The following ABLIM2 variants were observed in gnomAD, a reference collection of about 807,000 sequenced individuals.
ABLIM2 encodes actin binding LIM protein family member 2.
Under a neutral mutation model 97.7 loss-of-function variants are expected in ABLIM2, and 53 were observed. The ratio of observed to expected loss-of-function variants is 0.54; its 90% CI spans 0.44 to 0.68. The LOEUF is 0.68. Among genes scored for constraint, ABLIM2 ranks in the 30% least tolerant of loss-of-function variants. The pLI, the probability that ABLIM2 is intolerant of heterozygous loss-of-function variation, is 0.00. For missense variants in ABLIM2, 835 were observed against 867.2 expected (o/e 0.96, Z 0.47); for synonymous variants, 361 against 345.8 (o/e 1.04, Z -0.49).
chr4:8,076,723 G>A (rs1268242388), intron 6 of ABLIM2, among the ~76,000 whole-genome samples: 4 of 150,512 alleles, frequency 2.7e-5, no homozygotes, highest in African/African-American at 4.9e-5. Context: ...GAGGCAAGGA[G>A]GGGCTGCAGG....
At chr4:8,118,130 T>A (rs1249638944) in intron 1 of ABLIM2, among the ~76,000 whole-genome samples, 1 of 152,208 alleles carries the variant, frequency 6.6e-6, no homozygotes, top group Non-Finnish European at 1.5e-5. Context: ...GCTGCGGCTG[T>A]ACTGAGCTTT....
At position 7,966,879 on chromosome 4, in the gene ABLIM2, C is replaced by CCCGGGG; in HGVS notation, c.*110_*111insCCCCGG. 5.5e-6 allele frequency: 2 copies of CCCGGGG among 361,394 alleles called. No homozygotes were observed. The highest frequency in any genetic ancestry group is 1.1e-5 in the Non-Finnish European group (2 of 187,626). 22.4% of individuals were successfully genotyped at this position (361,394 alleles called of 1,614,324 possible). On this transcript the variant is annotated 3_prime_UTR_variant, in exon 21 of 21. Coordinates refer to ENST00000447017, the MANE Select transcript of ABLIM2 (RefSeq NM_001130083.2). ...CTGGGGGACCCCCTCCCGCCCACCC[C>CCCGGGG]ATGGACACAGAGAAGCCAGAGCAAG... is the stretch of plus-strand genomic sequence containing the variant.
chr4:8,152,087 C>T (rs891791600), intron 1 of ABLIM2, among the ~76,000 whole-genome samples: 14 of 152,044 alleles, frequency 9.2e-5, no homozygotes, highest in South Asian at 2.1e-4. Context: ...ACGGCCCAGG[C>T]GAGAAGATGG....
At chr4:7,981,006 C>G (rs184934859) in intron 20 of ABLIM2, among the ~76,000 whole-genome samples, 4,019 of 135,470 alleles carry the variant, frequency 0.03, 187 homozygotes, top group African/African-American at 0.1. Context: ...TGCTGTGGCA[C>G]GATCTCGGCT....
In ABLIM2 at chr4:8,075,082, C is replaced by T. The variant is rs1444396805; in HGVS notation, c.675+2546G>A. 6.6e-6 allele frequency among the ~76,000 whole-genome samples: 1 copy of T among 152,198 alleles called. No individual in the cohort carries two copies. The highest frequency in any genetic ancestry group is 1.5e-5 in the Non-Finnish European group (1 of 68,034). On this transcript the variant is annotated intron_variant, in intron 6 of 20. Transcript: ENST00000447017. This position sits in a 1 kb window ranked among gnomAD's most constrained non-coding sequence, Gnocchi z 4.4. ...TACAGGCATGAGCCACCGCTCCCGG[C>T]CCAGCCTGACAATTCTGAGAGTCAT...
At chr4:7,971,992 C>T (rs909678929) in intron 20 of ABLIM2, among the ~76,000 whole-genome samples, 1 of 152,180 alleles carries the variant, frequency 6.6e-6, no homozygotes, top group Non-Finnish European at 1.5e-5. Context: ...ACTGCCTTGG[C>T]CTGCACAAGG....
intron 2 of ABLIM2, among the ~76,000 whole-genome samples, chr4:8,102,593 A>T (rs1561425531): frequency 6.6e-6 from 1 of 152,202 alleles, no homozygotes; most frequent in Non-Finnish European, 1.5e-5. Flanking sequence ...CACCTGCCTA[A>T]GATCCACATG....
intron 1 of ABLIM2, among the ~76,000 whole-genome samples, chr4:8,115,743 G>C (rs757723261): frequency 6.6e-6 from 1 of 152,100 alleles, no homozygotes; most frequent in Non-Finnish European, 1.5e-5. Flanking sequence ...TACCTGATGG[G>C]GTCTAAAGCC....
intron 1 of ABLIM2, among the ~76,000 whole-genome samples, chr4:8,135,660 T>C (rs1436386130): frequency 1.3e-5 from 2 of 152,212 alleles, no homozygotes; most frequent in Non-Finnish European, 2.9e-5. Flanking sequence ...GTCTGCTGTT[T>C]ATAAGCCGCC....
chr4:7,974,370 TCCATCCATCCACCCATCCAC>T (rs1258501856), intron 20 of ABLIM2, among the ~76,000 whole-genome samples: 14 of 131,804 alleles, frequency 1.1e-4, no homozygotes, highest in Admixed American at 2.2e-4. Flanking sequence ...CCTCCATTCA[TCCATCCATCCACCCATCCAC>T]CCATCCATCC....
chr4:8,037,468 T>G (rs952612626), intron 9 of ABLIM2, among the ~76,000 whole-genome samples: 6 of 151,480 alleles, frequency 4.0e-5, no homozygotes, highest in Non-Finnish European at 5.9e-5. Flanking sequence ...TCCCACATAC[T>G]AGCACACACA....
intron 6 of ABLIM2, chr4:8,066,548 AT>A (rs1807895392): frequency 6.6e-6 from 1 of 152,210 alleles, no homozygotes; most frequent in African/African-American, 2.4e-5. Context: ...TGGCGTATCT[AT>A]GCCAGGGAGT....
At chr4:7,968,553 C>G (rs62290613) in intron 20 of ABLIM2, among the ~76,000 whole-genome samples, 39,440 of 152,160 alleles carry the variant, frequency 0.26, 5,945 homozygotes, top group East Asian at 0.65. Context: ...CCCAAACACA[C>G]TGGCTCCATG....
chr4:8,061,145 G>T lies in ABLIM2; in HGVS notation c.676-91C>A. On this transcript the variant is annotated intron_variant, in intron 6 of 20. Transcript: ENST00000447017. The surrounding 1 kb of genome is among the most constrained non-coding windows in gnomAD (Gnocchi z 4.5). ...CCGGCATGGATACAGCATGCCCTGA[G>T]CACAGGTACTCAGGGGATACTGGAA... is the stretch of plus-strand genomic sequence containing the variant. 1 of 1,038,130 alleles carries T rather than the reference G, an allele frequency of 9.6e-7. No individual in the cohort carries two copies. The highest frequency in any genetic ancestry group is 1.4e-6 in the Non-Finnish European group (1 of 695,988). 64.3% of individuals were successfully genotyped at this position (1,038,130 alleles called of 1,614,324 possible).
At chr4:8,133,118 G>A (rs1402725922) in intron 1 of ABLIM2, among the ~76,000 whole-genome samples, 8 of 152,256 alleles carry the variant, frequency 5.3e-5, no homozygotes, top group Admixed American at 3.3e-4. Context: ...CTGCAGCCGC[G>A]TCACTCCAAT....
intron 16 of ABLIM2, chr4:7,993,833 G>T (rs994858678): frequency 6.6e-6 from 3 of 456,116 alleles, no homozygotes; most frequent in Middle Eastern, 3.3e-4. Flanking sequence ...CTGTCAGGAG[G>T]GGGCAGCCTT....
chr4:7,981,306 C>T (rs970649526), intron 20 of ABLIM2, among the ~76,000 whole-genome samples: 3 of 152,168 alleles, frequency 2.0e-5, no homozygotes, highest in African/African-American at 4.8e-5. Flanking sequence ...AATAACTTAA[C>T]TCTTTCAACC....
At chr4:8,051,922 ACACTGCCAC>A (rs1176619067) in intron 8 of ABLIM2, among the ~76,000 whole-genome samples, 1 of 152,200 alleles carries the variant, frequency 6.6e-6, no homozygotes, top group East Asian at 1.9e-4. Flanking sequence ...TGCAAATCAG[ACACTGCCAC>A]CTCGAGCCCG....
At chr4:8,115,524 C>A (rs527942419) in intron 1 of ABLIM2, among the ~76,000 whole-genome samples, 2 of 152,318 alleles carry the variant, frequency 1.3e-5, no homozygotes, top group South Asian at 4.1e-4. Flanking sequence ...CTCTGACCCG[C>A]AACCACCTTC....
Sources: gnomAD v4.1 joint callset for allele counts (sites outside exome capture counted in the v4.1 genomes callset) on GRCh38, gnomAD v4.1.1 for gene constraint, Gnocchi (gnomAD v3.1) non-coding constraint, MANE v1.5 for transcripts, NCBI Gene and HGNC (gene_info 2026-07-23, HGNC 2026-07-21) for gene names.